The following HDAC9 variants were observed in gnomAD, a reference collection of about 807,000 sequenced individuals.
HDAC9 encodes MEF-2 interacting transcription repressor (MITR) protein.
In HDAC9, 41 loss-of-function variants were observed where a neutral mutation model predicts 139.4. That is an observed-to-expected ratio of 0.29 (90% CI 0.23 to 0.38). HDAC9 has a LOEUF of 0.38. Among genes scored for constraint, HDAC9 ranks in the 10% least tolerant of loss-of-function variants. The pLI is 1.00. For synonymous variants in HDAC9, 517 were observed against 476.2 expected (o/e 1.09, Z -1.12); for missense variants, 1,147 against 1,297.0 (o/e 0.88, Z 1.78).
At chr7:18,725,230 C>T (rs916046408) in intron 12 of HDAC9, among the ~76,000 whole-genome samples, 2 of 152,004 alleles carry the variant, frequency 1.3e-5, no homozygotes, top group African/African-American at 4.8e-5. Context: ...ATAATGAATC[C>T]AATATATGCC....
In HDAC9 at chr7:18,853,116, G is replaced by A. The variant is rs181310945; in HGVS notation, c.2684+17119G>A. 2.3e-3 allele frequency among the ~76,000 whole-genome samples: 355 copies of A among 152,266 alleles called. 2 individuals are homozygous for A. The highest frequency in any genetic ancestry group is 0.013 in the Admixed American group (191 of 15,280). On this transcript the variant is annotated intron_variant, in intron 21 of 25. Transcript: ENST00000686413. ...GTCGGCCTGGCTCCGACTTTCCACC[G>A]AAGGGGTAGAGTTGCTTTAATGTGG...
At chr7:18,125,296 A>G (rs1209555959) in intron 1 of HDAC9, among the ~76,000 whole-genome samples, 1 of 152,104 alleles carries the variant, frequency 6.6e-6, no homozygotes. Flanking sequence ...AGGGGCTGTG[A>G]AGGCAACATC....
intron 25 of HDAC9, among the ~76,000 whole-genome samples, chr7:18,987,509 G>A (rs1235746468): frequency 1.3e-5 from 2 of 151,790 alleles, no homozygotes; most frequent in South Asian, 2.1e-4. Context: ...GTTCATCAAG[G>A]CTATTGGTCT....
chr7:18,691,762 A>G (rs951431522), intron 12 of HDAC9, among the ~76,000 whole-genome samples: 1 of 152,050 alleles, frequency 6.6e-6, no homozygotes, highest in African/African-American at 2.4e-5. Context: ...ATTTTTTTCC[A>G]CAATAGATAG....
intron 2 of HDAC9, among the ~76,000 whole-genome samples, chr7:18,535,980 C>T (rs931839944): frequency 6.6e-6 from 1 of 152,146 alleles, no homozygotes; most frequent in Non-Finnish European, 1.5e-5. Flanking sequence ...CCACTCAAAC[C>T]TCCCAGGGCT....
intron 2 of HDAC9, among the ~76,000 whole-genome samples, chr7:18,554,654 A>G (rs1186032977): frequency 4.6e-5 from 7 of 152,130 alleles, no homozygotes; most frequent in Admixed American, 4.6e-4. Flanking sequence ...CTTGAAGATC[A>G]TGCTGATTCT....
At position 18,585,261 on chromosome 7, in the gene HDAC9, C is replaced by CTTTTTTTTTTTT; in HGVS notation, c.23-13_23-12insTTTTTTTTTTTT. 1 of 1,609,588 alleles carries CTTTTTTTTTTTT rather than the reference C, an allele frequency of 6.2e-7. No individual in the cohort carries two copies. The highest frequency in any genetic ancestry group is 1.3e-5 in the African/African-American group (1 of 74,774). ...TATTACCCTCCCCCACCCCATTTCCCTTTTTTTCTGGTTCTTTAGTGGATG... is the reference window on the plus strand; with the variant it reads ...TATTACCCTCCCCCACCCCATTTCCCTTTTTTTTTTTTTTTTTTTCTGGTTCTTTAGTGGATG... On this transcript the variant is annotated intron_variant, in intron 2 of 25. Coordinates refer to ENST00000686413, the MANE Select transcript of HDAC9 (RefSeq NM_178425.4).
chr7:18,931,593 C>T (rs1315510242), intron 22 of HDAC9, among the ~76,000 whole-genome samples: 4 of 152,080 alleles, frequency 2.6e-5, no homozygotes, highest in Non-Finnish European at 5.9e-5. Flanking sequence ...TGGTGAACAT[C>T]AAGTGCTAGA....
intron 2 of HDAC9, among the ~76,000 whole-genome samples, chr7:18,194,299 G>A (rs1484734252): frequency 6.6e-6 from 1 of 151,950 alleles, no homozygotes; most frequent in Non-Finnish European, 1.5e-5. Context: ...TTCTGTTTGT[G>A]TCCTTTGGTT....
intron 2 of HDAC9, among the ~76,000 whole-genome samples, chr7:18,248,696 G>C (rs1223466011): frequency 6.6e-6 from 1 of 152,084 alleles, no homozygotes. Context: ...TTAGAGGATT[G>C]GTCTGTAAAA....
At chr7:18,789,309 C>CACACACACACACAG in intron 16 of HDAC9, among the ~76,000 whole-genome samples, 1 of 149,266 alleles carries the variant, frequency 6.7e-6, no homozygotes, top group Admixed American at 6.7e-5. Context: ...CACACACACA[C>CACACACACACACAG]AGTCTCTCTC....
In HDAC9 at chr7:18,965,638, G is replaced by T. The variant is rs207467703; in HGVS notation, c.3023-10168G>T. Among the ~76,000 whole-genome samples, 3 of 152,206 alleles carry T rather than the reference G, an allele frequency of 2.0e-5. No homozygotes were observed. In the East Asian group the frequency reaches 5.8e-4, roughly 29 times the overall value. ...GTATCTAGAGTTTAATTCCTCTGGG[G>T]AAATTCTGAGAGCTGATGTAAAACA... On this transcript the variant is annotated intron_variant, in intron 24 of 25. Transcript: ENST00000686413.
At chr7:18,666,585 C>G in intron 12 of HDAC9, 109 bp downstream of exon 12, 1 of 1,499,160 alleles carries the variant, frequency 6.7e-7, no homozygotes. Flanking sequence ...GTTTATATTT[C>G]TCTATGATTT....
intron 22 of HDAC9, among the ~76,000 whole-genome samples, chr7:18,924,405 T>A (rs1257184321): frequency 6.6e-6 from 1 of 152,134 alleles, no homozygotes; most frequent in East Asian, 1.9e-4. Context: ...GCTTGTAACT[T>A]ACAATTCGGA....
Position 18,342,220 on chromosome 7 carries a change from C to A in HDAC9, c.-42+51705C>A, listed in dbSNP as rs1460087374. On this transcript the variant is annotated intron_variant, in intron 1 of 3. Coordinates refer to the HDAC9 transcript ENST00000413509. ...TCCCTCTCCTCTCTGATTCTTCCTC[C>A]TGTGAACGCTTTGGTGTTGTCAGAC... Among the ~76,000 whole-genome samples the A allele has an allele frequency of 9.9e-5, 15 of 151,846 alleles. 1 individual carries two copies. The Admixed American group carries it at 9.9e-4, about 10-fold the overall frequency.
At chr7:18,410,342 C>A (rs1788428990) in intron 1 of HDAC9, among the ~76,000 whole-genome samples, 1 of 152,082 alleles carries the variant, frequency 6.6e-6, no homozygotes. Flanking sequence ...TGGCAATGGA[C>A]ATAATGAAGA....
chr7:18,228,388 A>T (rs1057245971), intron 2 of HDAC9, among the ~76,000 whole-genome samples: 1 of 151,994 alleles, frequency 6.6e-6, no homozygotes, highest in African/African-American at 2.4e-5. Flanking sequence ...ATTAAAAGTT[A>T]TCTTAAACGC....
At chr7:18,461,565 T>C (rs1294513732) in intron 1 of HDAC9, among the ~76,000 whole-genome samples, 1 of 152,176 alleles carries the variant, frequency 6.6e-6, no homozygotes, top group African/African-American at 2.4e-5. Context: ...ACAATTTCTT[T>C]TTTATTATGT....
intron 25 of HDAC9, among the ~76,000 whole-genome samples, chr7:18,981,677 G>A (rs182823329): frequency 5.3e-5 from 8 of 152,126 alleles, no homozygotes; most frequent in Admixed American, 5.2e-4. Context: ...GCCTTCAGCT[G>A]AGAAAGGGTT....
Sources: allele counts gnomAD v4.1 joint callset (sites outside exome capture counted in the v4.1 genomes callset), GRCh38; gene constraint gnomAD v4.1.1; transcripts MANE v1.5; gene names NCBI Gene and HGNC (gene_info 2026-07-23, HGNC 2026-07-21).